The following GPC6 variants were observed in gnomAD, a reference collection of about 807,000 sequenced individuals.
The protein encoded by GPC6 is glypican 6.
GPC6 carries 14 observed loss-of-function variants against 55.2 expected under a neutral mutation model. The observed-to-expected ratio is 0.25, with a 90% CI of 0.17 to 0.40. The LOEUF is 0.40. GPC6 is among the 10% of genes least tolerant of loss of function. The pLI is 1.00. For synonymous variants in GPC6, 278 were observed against 259.6 expected, an observed-to-expected ratio of 1.07 and a Z score of -0.68; for missense variants, 641 against 708.5, an observed-to-expected ratio of 0.90 and a Z score of 1.08.
chr13:94,154,911 A>T (rs2138902397), intron 4 of GPC6, among the ~76,000 whole-genome samples: 1 of 152,286 alleles, frequency 6.6e-6, no homozygotes, highest in African/African-American at 2.4e-5. Context: ...GCAGATATTC[A>T]AAAAAGTACC....
chr13:94,190,830 A>G (rs1001420600), intron 4 of GPC6, among the ~76,000 whole-genome samples: 6 of 152,194 alleles, frequency 3.9e-5, no homozygotes, highest in Non-Finnish European at 7.3e-5. Context: ...TGAGTAGCAT[A>G]TATGAATACA....
chr13:93,993,603 T>G (rs761414944), intron 3 of GPC6, among the ~76,000 whole-genome samples: 26 of 152,126 alleles, frequency 1.7e-4, no homozygotes, highest in Non-Finnish European at 3.4e-4. Context: ...GACTCTTATT[T>G]TTTCAAAATA....
At chr13:93,354,312 A>G (rs1307470504) in intron 1 of GPC6, among the ~76,000 whole-genome samples, 1 of 151,636 alleles carries the variant, frequency 6.6e-6, no homozygotes, top group Admixed American at 6.6e-5. Flanking sequence ...ATATAATTTA[A>G]AAGACAAGTC....
At chr13:93,655,106 C>T (rs981174943) in intron 2 of GPC6, among the ~76,000 whole-genome samples, 2 of 149,938 alleles carry the variant, frequency 1.3e-5, no homozygotes, top group Non-Finnish European at 1.5e-5. Context: ...GCCTCGGCCT[C>T]CTAAAGTGCT....
intron 4 of GPC6, among the ~76,000 whole-genome samples, chr13:94,096,432 G>A (rs1309359475): frequency 1.3e-5 from 2 of 151,914 alleles, no homozygotes; most frequent in Non-Finnish European, 2.9e-5. Flanking sequence ...CCCTTAGCCG[G>A]GCTCCTGTGT....
chr13:93,579,438 AAGG>A (rs1335568253), intron 2 of GPC6, among the ~76,000 whole-genome samples: 1 of 152,026 alleles, frequency 6.6e-6, no homozygotes, highest in East Asian at 1.9e-4. Context: ...AAAGAAGAAG[AAGG>A]AGGAGAAAAA....
chr13:93,265,418 A>G (rs773918638), intron 1 of GPC6, among the ~76,000 whole-genome samples: 14 of 152,250 alleles, frequency 9.2e-5, no homozygotes, highest in Non-Finnish European at 1.6e-4. Context: ...AATTCTACAC[A>G]TGGCACATTG....
At chr13:94,096,343 T>A (rs1262498340) in intron 4 of GPC6, among the ~76,000 whole-genome samples, 2 of 150,458 alleles carry the variant, frequency 1.3e-5, no homozygotes, top group Non-Finnish European at 3.0e-5. Context: ...GCTGGAAAAA[T>A]ATTTCCATGC....
chr13:94,336,127 T>C (rs578254543), intron 6 of GPC6, among the ~76,000 whole-genome samples: 39 of 152,244 alleles, frequency 2.6e-4, no homozygotes, highest in Non-Finnish European at 4.4e-5. Context: ...AAATGAGCCA[T>C]GACACACCCG....
intron 1 of GPC6, among the ~76,000 whole-genome samples, chr13:93,321,384 T>C (rs981567373): frequency 1.3e-5 from 2 of 152,134 alleles, no homozygotes; most frequent in African/African-American, 4.8e-5. Flanking sequence ...GGTAAAGGAA[T>C]GATTTCTCTT....
intron 2 of GPC6, among the ~76,000 whole-genome samples, chr13:93,724,884 C>T (rs1317258804): frequency 6.6e-6 from 1 of 151,856 alleles, no homozygotes; most frequent in Non-Finnish European, 1.5e-5. Context: ...TAAATGAGAA[C>T]GATTTTATCA....
At chr13:94,089,547 T>C (rs1885406280) in intron 4 of GPC6, among the ~76,000 whole-genome samples, 1 of 152,220 alleles carries the variant, frequency 6.6e-6, no homozygotes, top group African/African-American at 2.4e-5. Context: ...ACATATTTTC[T>C]TCCTAAAGCA....
At chr13:94,114,563 T>G (rs1886366627) in intron 4 of GPC6, among the ~76,000 whole-genome samples, 1 of 152,132 alleles carries the variant, frequency 6.6e-6, no homozygotes, top group Non-Finnish European at 1.5e-5. Context: ...ATACAGAATT[T>G]TATCTTGTAG....
intron 3 of GPC6, among the ~76,000 whole-genome samples, chr13:93,847,873 T>A (rs1489115309): frequency 6.6e-6 from 1 of 152,192 alleles, no homozygotes; most frequent in Non-Finnish European, 1.5e-5. Context: ...ACACACAACT[T>A]TCTCCTGGGC....
chr13:93,295,316 GAAAA>G (rs1179527908), intron 1 of GPC6, among the ~76,000 whole-genome samples: 5 of 137,662 alleles, frequency 3.6e-5, no homozygotes, highest in African/African-American at 5.6e-5. Flanking sequence ...AAAAAAAAGA[GAAAA>G]AAGAAAGAAA....
At chr13:94,143,917 A>C (rs556423893) in intron 4 of GPC6, among the ~76,000 whole-genome samples, 1 of 152,262 alleles carries the variant, frequency 6.6e-6, no homozygotes, top group East Asian at 1.9e-4. Flanking sequence ...AATTATAGCA[A>C]TTGAAAGTAA....
At chr13:94,332,869 A>T (rs773111337) in intron 6 of GPC6, among the ~76,000 whole-genome samples, 6 of 152,222 alleles carry the variant, frequency 3.9e-5, no homozygotes, top group Non-Finnish European at 8.8e-5. Context: ...GTTTACAAGA[A>T]AGACACTTTT....
At chr13:93,321,692 A>C (rs1308867443) in intron 1 of GPC6, among the ~76,000 whole-genome samples, 4 of 152,212 alleles carry the variant, frequency 2.6e-5, no homozygotes, top group Non-Finnish European at 5.9e-5. Flanking sequence ...ATTTCTCTCT[A>C]GAAAATATCA....
intron 2 of GPC6, among the ~76,000 whole-genome samples, chr13:93,590,787 C>T (rs1170465735): frequency 6.6e-6 from 1 of 152,064 alleles, no homozygotes; most frequent in Non-Finnish European, 1.5e-5. Flanking sequence ...AAGCCTTTAA[C>T]AAACTTGTGG....
Sources: allele counts gnomAD v4.1 joint callset (sites outside exome capture counted in the v4.1 genomes callset), GRCh38; gene constraint gnomAD v4.1.1; transcripts MANE v1.5; gene names NCBI Gene and HGNC (gene_info 2026-07-23, HGNC 2026-07-21).